The following TMBIM4 variants were observed in gnomAD, a reference collection of about 807,000 sequenced individuals.
TMBIM4 encodes the protein transmembrane BAX inhibitor motif containing 4.
Under a neutral mutation model 27.7 loss-of-function variants are expected in TMBIM4, and 28 were observed. The observed-to-expected ratio is 1.01, with a 90% CI of 0.75 to 1.38. The LOEUF is 1.38. Ranked by LOEUF, TMBIM4 falls within the 40% of genes most tolerant of loss-of-function variation. The pLI is 0.00. For synonymous variants in TMBIM4, 115 were observed against 113.1 expected (o/e 1.02, Z -0.11); for missense variants, 265 against 277.5 (o/e 0.95, Z 0.32).
intron 3 of TMBIM4, 83 bp downstream of exon 3, chr12:66,152,188 C>T (rs1021715918): frequency 9.3e-6 from 6 of 645,224 alleles, no homozygotes; most frequent in Admixed American, 6.9e-5. Context: ...TTTGTTCTGC[C>T]GTTGTTATAT....
intron 5 of TMBIM4, chr12:66,144,916 A>C (rs1009085981): frequency 6.6e-6 from 1 of 152,164 alleles, no homozygotes; most frequent in Non-Finnish European, 1.5e-5. Context: ...TTACCAGAAA[A>C]GGATTTAAGA....
In TMBIM4 at chr12:66,137,278, T is replaced by C. The variant is rs988433940; in HGVS notation, c.*682A>G. 1 of 152,224 alleles carries C rather than the reference T, an allele frequency of 6.6e-6. No individual in the cohort carries two copies. The highest frequency in any genetic ancestry group is 2.4e-5 in the African/African-American group (1 of 41,448). 9.4% of individuals were successfully genotyped at this position (152,224 alleles called of 1,614,324 possible). Reference sequence around the variant, plus strand: ...TCAAAGCCAAATCAATATTACTTAATAATTCAGGGAAAATTTAGATAAAAT... The same window carrying C: ...TCAAAGCCAAATCAATATTACTTAACAATTCAGGGAAAATTTAGATAAAAT... On this transcript the variant is annotated 3_prime_UTR_variant, in exon 7 of 7. Coordinates refer to ENST00000358230, the MANE Select transcript of TMBIM4 (RefSeq NM_016056.4).
intron 1 of TMBIM4, among the ~76,000 whole-genome samples, chr12:66,155,649 C>A (rs1423048324): frequency 6.6e-6 from 1 of 152,064 alleles, no homozygotes; most frequent in African/African-American, 2.4e-5. Flanking sequence ...GTATTCTTTA[C>A]TTTTGATACC....
chr12:66,138,748 T>A lies in TMBIM4; in HGVS notation c.486A>T (p.Ile162=). 6.5e-7 allele frequency: 1 copy of A among 1,548,954 alleles called. No homozygotes were observed. The highest frequency in any genetic ancestry group is 8.6e-7 in the Non-Finnish European group (1 of 1,157,250). The change falls in exon 6 of 7, where the codon ATA becomes ATT. Residue 162 remains isoleucine (I), a synonymous_variant. Coordinates refer to ENST00000358230, the MANE Select transcript of TMBIM4 (RefSeq NM_016056.4). ...CCTTCAAGAATCCTGACAGGCACAA[T>A]ATCCACAAAAGAGCAAACAGCCTAT... The part of the protein sequence containing the change: ...FGAGLFALLW[I]LCLSGFLKFF...
At chr12:66,144,483 G>A (rs1465593906) in intron 5 of TMBIM4, among the ~76,000 whole-genome samples, 1 of 152,058 alleles carries the variant, frequency 6.6e-6, no homozygotes, top group African/African-American at 2.4e-5. Context: ...ATTGCGGGGT[G>A]GGGGCAGAGA....
chr12:66,167,182 A>T (rs2052146061), intron 1 of TMBIM4, among the ~76,000 whole-genome samples: 1 of 152,228 alleles, frequency 6.6e-6, no homozygotes, highest in Non-Finnish European at 1.5e-5. Context: ...ATCATGGTGG[A>T]TACATGTCAT....
intron 3 of TMBIM4, among the ~76,000 whole-genome samples, chr12:66,151,151 CATT>C (rs1305311146): frequency 2.8e-5 from 4 of 143,352 alleles, no homozygotes; most frequent in Non-Finnish European, 6.0e-5. Context: ...AACACAAACT[CATT>C]ATCAGAATTC....
At chr12:66,139,889 T>C (rs1442328029) in intron 5 of TMBIM4, among the ~76,000 whole-genome samples, 1 of 152,128 alleles carries the variant, frequency 6.6e-6, no homozygotes, top group Admixed American at 6.5e-5. Flanking sequence ...AGACATGCAC[T>C]GAGTAGTATG....
intron 5 of TMBIM4, 176 bp from the exon 6 acceptor site, chr12:66,138,945 A>T (rs1207723741): frequency 4.6e-6 from 4 of 860,478 alleles, no homozygotes; most frequent in African/African-American, 3.6e-5. Context: ...TCTTTTTTTT[A>T]AAGAAATTGA....
In TMBIM4 at chr12:66,137,913, C is replaced by A. The variant is rs746764006; in HGVS notation, c.*47G>T. The A allele has an allele frequency of 3.3e-6, 5 of 1,525,342 alleles. No homozygotes were observed. The highest frequency in any genetic ancestry group is 2.8e-5 in the African/African-American group (2 of 72,434). The allele number at this position is 1,525,342 out of a possible 1,614,324, so 94.5% of individuals were successfully genotyped here. On this transcript the variant is annotated 3_prime_UTR_variant, in exon 7 of 7. Coordinates refer to ENST00000358230, the MANE Select transcript of TMBIM4 (RefSeq NM_016056.4). ...TCCAATTACTTTAATCCTTTTTTCTCATTAAATTTTTTTTGTTGTTCTTCA... is the reference window on the plus strand; with the variant it reads ...TCCAATTACTTTAATCCTTTTTTCTAATTAAATTTTTTTTGTTGTTCTTCA...
intron 3 of TMBIM4, 88 bp downstream of exon 3, chr12:66,152,183 T>A: frequency 1.7e-6 from 1 of 602,446 alleles, no homozygotes; most frequent in Middle Eastern, 2.9e-4. Context: ...TTAATTTTGT[T>A]CTGCCGTTGT....
At position 66,144,218 on chromosome 12, in the gene TMBIM4, G is replaced by A. The variant is rs183272920; in HGVS notation, c.464+1623C>T. ...TAAGAGGCAATTTTGAAAGGGTTCC[G>A]TTTCCAGTACTACAGCAAGTAAGAA... On this transcript the variant is annotated intron_variant, in intron 5 of 6. Transcript: ENST00000358230. Among the ~76,000 whole-genome samples, 47 of 152,164 alleles carry A rather than the reference G, an allele frequency of 3.1e-4. No individual in the cohort carries two copies. The South Asian group carries it at 5.4e-3, about 17-fold the overall frequency.
At chr12:66,168,528 G>A (rs957658880) in intron 1 of TMBIM4, among the ~76,000 whole-genome samples, 2 of 152,160 alleles carry the variant, frequency 1.3e-5, no homozygotes, top group Non-Finnish European at 2.9e-5. Flanking sequence ...TCGGTATATA[G>A]TGAACTATAA....
intron 5 of TMBIM4, 112 bp downstream of exon 5, chr12:66,145,729 C>T (rs2136854250): frequency 1.6e-6 from 1 of 615,606 alleles, no homozygotes; most frequent in South Asian, 2.5e-5. Flanking sequence ...TCTCTTATTA[C>T]CCTCCATTTT....
At chr12:66,161,746 T>G (rs1307058775) in intron 1 of TMBIM4, among the ~76,000 whole-genome samples, 1 of 152,192 alleles carries the variant, frequency 6.6e-6, no homozygotes, top group African/African-American at 2.4e-5. Context: ...TGTAGTGATG[T>G]GAGGGACGTA....
intron 5 of TMBIM4, chr12:66,145,407 C>G (rs2051735230): frequency 6.5e-6 from 1 of 152,746 alleles, no homozygotes; most frequent in South Asian, 2.0e-4. Flanking sequence ...AGGAAGGATA[C>G]AGGTTAATCT....
At chr12:66,165,759 T>C (rs1311895115) in intron 1 of TMBIM4, among the ~76,000 whole-genome samples, 2 of 152,240 alleles carry the variant, frequency 1.3e-5, no homozygotes, top group Non-Finnish European at 2.9e-5. Flanking sequence ...TCTTGACTTC[T>C]TCACTTTAAA....
chr12:66,144,428 T>C (rs898227039), intron 5 of TMBIM4, among the ~76,000 whole-genome samples: 1 of 152,118 alleles, frequency 6.6e-6, no homozygotes, highest in African/African-American at 2.4e-5. Flanking sequence ...GTAGCTGAAT[T>C]TGCCCAACTA....
intron 3 of TMBIM4, among the ~76,000 whole-genome samples, chr12:66,150,528 C>T (rs2051828424): frequency 6.6e-6 from 1 of 152,102 alleles, no homozygotes; most frequent in African/African-American, 2.4e-5. Context: ...ATCCTCCTGC[C>T]TCAGCCTCCC....
Sources: allele counts gnomAD v4.1 joint callset (sites outside exome capture counted in the v4.1 genomes callset), GRCh38; gene constraint gnomAD v4.1.1; transcripts MANE v1.5; gene names NCBI Gene and HGNC (gene_info 2026-07-23, HGNC 2026-07-21).